Variants in AHNAK2 observed in about 807,000 individuals in gnomAD.
AHNAK2 encodes the protein protein AHNAK2.
AHNAK2 carries 18 observed loss-of-function variants against 30.7 expected under a neutral mutation model. That is an observed-to-expected ratio of 0.59 (90% CI 0.41 to 0.87). The LOEUF is 0.87. Ranked by LOEUF, AHNAK2 falls within the 40% of genes least tolerant of loss-of-function variation. The pLI, the probability that AHNAK2 is intolerant of heterozygous loss-of-function variation, is 0.00. For missense variants in AHNAK2, 8,604 were observed against 7,373.0 expected, an observed-to-expected ratio of 1.17 and a Z score of -6.11; for synonymous variants, 3,590 against 3,073.8, an observed-to-expected ratio of 1.17 and a Z score of -5.56.
chr14:104,945,321 G>T lies in AHNAK2; in HGVS notation c.10130C>A (p.Pro3377Gln), dbSNP rs776559136. 1.9e-5 allele frequency: 30 copies of T among 1,612,272 alleles called. No individual in the cohort carries two copies. The change falls in exon 7 of 7, where the codon CCG becomes CAG. Residue 3377 changes from proline (P) to glutamine (Q), a missense_variant. By Grantham distance (76) the Pro-to-Gln change is moderately conservative (BLOSUM62 -1). Transcript: ENST00000333244. ...VQAGQVDVKL[P>Q]EGHVPEGAGL... ...AGCTCCCTCGGGCACGTGGCCCTCCGGGAGCTTCACGTCCACCTGGCCAGC... is the reference window on the plus strand; with the variant it reads ...AGCTCCCTCGGGCACGTGGCCCTCCTGGAGCTTCACGTCCACCTGGCCAGC...
intron 1 of AHNAK2, among the ~76,000 whole-genome samples, chr14:104,973,166 A>G (rs1179977807): frequency 6.6e-6 from 1 of 152,194 alleles, no homozygotes. Context: ...GGGCTCTGCT[A>G]AGCCACCACA....
chr14:104,952,512 A>G lies in AHNAK2; in HGVS notation c.2939T>C (p.Leu980Pro). The stretch of plus-strand genomic sequence containing the variant: ...GTCGGCCAGGGACAGGTCCCCCTCC[A>G]GCCACGCACCATCCAGCTTGGCCTT... The part of the protein sequence containing the change: ...AQKAKLDGAW[L>P]EGDLSLADKD... Residue 980 changes from leucine (L) to proline (P), a missense_variant, in exon 7 of 7, where the codon CTG becomes CCG. Coordinates refer to ENST00000333244, the MANE Select transcript of AHNAK2 (RefSeq NM_138420.4). 6.2e-7 allele frequency: 1 copy of G among 1,612,766 alleles called. No homozygotes were observed. The highest frequency in any genetic ancestry group is 8.5e-7 in the Non-Finnish European group (1 of 1,179,610).
chr14:104,945,164 G>A lies in AHNAK2; in HGVS notation c.10287C>T (p.Val3429=), dbSNP rs1280113270. 1 of 1,613,242 alleles carries A rather than the reference G, an allele frequency of 6.2e-7. No individual in the cohort carries two copies. Among genetic ancestry groups the A allele is most frequent in the South Asian group, 1.1e-5 (1 of 91,058 alleles). The part of the protein sequence containing the change: ...DLKVPKAEVT[V]PDVEVSLPSV... Reference sequence around the variant, plus strand: ...TGGGCAGAGACACCTCCACATCAGGGACTGTCACTTCCGCCTTGGGGACTT... The same window carrying A: ...TGGGCAGAGACACCTCCACATCAGGAACTGTCACTTCCGCCTTGGGGACTT... Residue 3429 remains valine (V), a synonymous_variant, in exon 7 of 7, where the codon GTC becomes GTT. Coordinates refer to ENST00000333244, the MANE Select transcript of AHNAK2 (RefSeq NM_138420.4).
At chr14:104,956,081 C>A (rs867068656) in intron 4 of AHNAK2, among the ~76,000 whole-genome samples, 1 of 152,034 alleles carries the variant, frequency 6.6e-6, no homozygotes, top group East Asian at 1.9e-4. Flanking sequence ...GTGCAGCCTG[C>A]GAGACCTGGG....
Position 104,943,950 on chromosome 14 carries a change from T to C in AHNAK2, c.11501A>G (p.Glu3834Gly), listed in dbSNP as rs779730227. Reference sequence around the variant, plus strand: ...CATGGAGGGGAGACTCACATCGGCCTCCACCTTGGGTGCAGACACGTGCAC... The same window carrying C: ...CATGGAGGGGAGACTCACATCGGCCCCCACCTTGGGTGCAGACACGTGCAC... ...ASVHVSAPKVEADVSLPSMQG... is the reference protein window; with the variant it reads ...ASVHVSAPKVGADVSLPSMQG... The change falls in exon 7 of 7, where the codon GAG (glutamate) becomes GGG (glycine). Residue 3834 changes from glutamate to glycine, a missense_variant. Glu to Gly is a moderately conservative substitution (Grantham distance 98, BLOSUM62 -2). Transcript: ENST00000333244. 5.6e-6 allele frequency: 9 copies of C among 1,612,792 alleles called. No homozygotes were observed. The highest frequency in any genetic ancestry group is 7.6e-6 in the Non-Finnish European group (9 of 1,179,452).
In AHNAK2 at chr14:104,945,389, A is replaced by C. The variant is rs765881005; in HGVS notation, c.10062T>G (p.Thr3354=). The C allele has an allele frequency of 4.5e-5, 72 of 1,612,668 alleles. No individual in the cohort carries two copies. The highest frequency in any genetic ancestry group is 6.7e-5 in the African/African-American group (5 of 74,640). The part of the protein sequence containing the change: ...LPSMQGDLKT[T]DLSIQLPSVD... ...CAGAAGGGAGCTGAATGCTGAGGTC[A>C]GTGGTCTTGAGGTCCCCCTGCATGG... The change falls in exon 7 of 7, where the codon ACT becomes ACG. Residue 3354 remains threonine (T), a synonymous_variant. Coordinates refer to ENST00000333244, the MANE Select transcript of AHNAK2 (RefSeq NM_138420.4).
rs1313825284 is a variant in AHNAK2, at chr14:104,949,717, G to A, written c.5734C>T (p.Pro1912Ser). ...LKGHLPKVDM[P>S]SFKMPKVDLK... ...TCCACTTTGGGCATCTTGAAACTGGGCATATCCACCTTGGGCAAGTGCCCT... is the reference window on the plus strand; with the variant it reads ...TCCACTTTGGGCATCTTGAAACTGGACATATCCACCTTGGGCAAGTGCCCT... Residue 1912 changes from proline to serine, a missense_variant, in exon 7 of 7, where the codon CCC (proline) becomes TCC (serine). Physicochemically the swap from Pro to Ser is moderately conservative, Grantham distance 74. Transcript: ENST00000333244. The A allele has an allele frequency of 1.9e-6, 3 of 1,587,044 alleles. No homozygotes were observed. Among genetic ancestry groups the A allele is most frequent in the African/African-American group, 2.8e-5 (2 of 72,524 alleles).
chr14:104,950,525 C>A lies in AHNAK2; in HGVS notation c.4926G>T (p.Gly1642=), dbSNP rs377234286. The A allele has an allele frequency of 3.7e-4, 584 of 1,586,208 alleles. 45 individuals are homozygous for A. The African/African-American group carries it at 6.0e-3, about 16-fold the overall frequency. The part of the protein sequence containing the change: ...RAKLDGAQLE[G]DLSLADKAVT... The stretch of plus-strand genomic sequence containing the variant: ...CCGCCTTGTCGGCCAGGGACAGGTC[C>A]CCCTCCAGCTGCGCACCATCCAGCT... Residue 1642 remains glycine, a synonymous_variant, in exon 7 of 7, where the codon GGG becomes GGT. Coordinates refer to ENST00000333244, the MANE Select transcript of AHNAK2 (RefSeq NM_138420.4).
Position 104,946,092 on chromosome 14 carries a change from A to G in AHNAK2, c.9359T>C (p.Leu3120Ser). The change falls in exon 7 of 7, where the codon TTG (leucine) becomes TCG (serine). Residue 3120 changes from leucine to serine, a missense_variant. By Grantham distance (145) the Leu-to-Ser change is moderately radical. Transcript: ENST00000333244. ...GTCCCCCTCCAGCCGTGCACCATCC[A>G]ACTTGGCTCCTGGGGCCTCGACATC... ...EVDVEAPGAK[L>S]DGARLEGDLS... The G allele has an allele frequency of 1.9e-6, 3 of 1,610,344 alleles. No homozygotes were observed. The highest frequency in any genetic ancestry group is 2.5e-6 in the Non-Finnish European group (3 of 1,178,774).
Position 104,937,966 on chromosome 14 carries a change from G to A in AHNAK2, c.*97C>T, listed in dbSNP as rs1380229941. ...CTCCGTTCTGTGAAGTGAGGTGGAT[G>A]TAATGTGCTGTGGGATGGGGTGCTC... On this transcript the variant is annotated 3_prime_UTR_variant, in exon 7 of 7. Coordinates refer to ENST00000333244, the MANE Select transcript of AHNAK2 (RefSeq NM_138420.4). 32 of 1,279,590 alleles carry A rather than the reference G, an allele frequency of 2.5e-5. No individual in the cohort carries two copies. The highest frequency in any genetic ancestry group is 3.3e-5 in the Non-Finnish European group (30 of 922,112). The allele number at this position is 1,279,590 out of a possible 1,614,324, so 79.3% of individuals were successfully genotyped here. A position where few individuals can be genotyped will look rare whatever the true frequency, so the allele number is the denominator to read the frequency against.
intron 1 of AHNAK2, among the ~76,000 whole-genome samples, chr14:104,977,089 A>G (rs1342742658): frequency 6.6e-6 from 1 of 152,058 alleles, no homozygotes; most frequent in Non-Finnish European, 1.5e-5. Flanking sequence ...AGGCCACAGG[A>G]GGGGCCTTGG....
chr14:104,950,296 C>T lies in AHNAK2; in HGVS notation c.5155G>A (p.Ala1719Thr), dbSNP rs1390607564. The T allele has an allele frequency of 6.9e-6, 11 of 1,585,198 alleles. 2 individuals are homozygous for T. In the Admixed American group the frequency reaches 8.7e-5, roughly 13 times the overall value. ...QSPSADLEVQ[A>T]GQVNVKLPEG... ...GGGAGTTTCACGTTCACTTGGCCAGCCTGGACCTCCAGGTCGGCGGAAGGG... is the reference window on the plus strand; with the variant it reads ...GGGAGTTTCACGTTCACTTGGCCAGTCTGGACCTCCAGGTCGGCGGAAGGG... The change falls in exon 7 of 7, where the codon GCT (alanine) becomes ACT (threonine). Residue 1719 changes from alanine to threonine, a missense_variant. Coordinates refer to ENST00000333244, the MANE Select transcript of AHNAK2 (RefSeq NM_138420.4).
At chr14:104,967,082 T>A (rs868450687) in intron 1 of AHNAK2, among the ~76,000 whole-genome samples, 5 of 151,590 alleles carry the variant, frequency 3.3e-5, no homozygotes, top group Admixed American at 6.6e-5. Context: ...GCAGCTGGGG[T>A]CATGAGTGGG....
rs373187299 is a variant in AHNAK2, at chr14:104,954,341, C to T, written c.1110G>A (p.Gly370=). ...GPWGDSLEET[G]AATGSRREER... ...CCTCTCTCCTGCTGCCTGTGGCAGC[C>T]CCAGTCTCCTCGAGGCTATCACCCC... is the stretch of plus-strand genomic sequence containing the variant. The change falls in exon 7 of 7, where the codon GGG becomes GGA. Residue 370 remains glycine, a synonymous_variant. Transcript: ENST00000333244. This position sits in a 1 kb window ranked among gnomAD's most constrained non-coding sequence, Gnocchi z 4.3. 2.5e-6 allele frequency: 4 copies of T among 1,613,426 alleles called. No individual in the cohort carries two copies. The East Asian group carries it at 8.9e-5, about 36-fold the overall frequency.
rs780133578 is a variant in AHNAK2 at position 104,951,285 on chromosome 14, G to C, written c.4166C>G (p.Ala1389Gly). 3.7e-5 allele frequency: 39 copies of C among 1,061,482 alleles called. 12 individuals are homozygous for C. In the South Asian group the frequency reaches 6.1e-4, roughly 17 times the overall value. The allele number at this position is 1,061,482 out of a possible 1,614,324, so 65.8% of individuals were successfully genotyped here. A position where few individuals can be genotyped will look rare whatever the true frequency, so the allele number is the denominator to read the frequency against. The change falls in exon 7 of 7, where the codon GCT becomes GGT. Residue 1389 changes from alanine to glycine, a missense_variant. Ala to Gly is a moderately conservative substitution (Grantham distance 60, BLOSUM62 0). Coordinates refer to ENST00000333244, the MANE Select transcript of AHNAK2 (RefSeq NM_138420.4). ...QPPSTDLELQ[A>G]GQLDVKLPEG... ...TGGGAGTTTCACGTCCAATTGGCCA[G>C]CCTGGAGCTCCAGGTCAGTGGAAGG...
In AHNAK2 at chr14:104,951,157, C is replaced by G. The variant is rs1555401745; in HGVS notation, c.4294G>C (p.Asp1432His). Residue 1432 changes from aspartate (D) to histidine (H), a missense_variant, in exon 7 of 7, where the codon GAC becomes CAC. Transcript: ENST00000333244. ...PKVDLKGPEI[D>H]IKGPKLDLKD... ...AGGTCCAGCTTGGGGCCCTTGATGTCTATTTCAGGGCCCTTGAGGTCCACT... is the reference window on the plus strand; with the variant it reads ...AGGTCCAGCTTGGGGCCCTTGATGTGTATTTCAGGGCCCTTGAGGTCCACT... The G allele has an allele frequency of 1.9e-6, 2 of 1,069,972 alleles. No individual in the cohort carries two copies. The highest frequency in any genetic ancestry group is 3.2e-5 in the South Asian group (2 of 62,850). The allele number at this position is 1,069,972 out of a possible 1,614,324, so 66.3% of individuals were successfully genotyped here.
At chr14:104,974,433 C>T (rs1388042917) in intron 1 of AHNAK2, among the ~76,000 whole-genome samples, 1 of 152,268 alleles carries the variant, frequency 6.6e-6, no homozygotes, top group Admixed American at 6.5e-5. Context: ...GTCCCAGATG[C>T]ACTGGGTTGA....
chr14:104,949,799 A>T lies in AHNAK2; in HGVS notation c.5652T>A (p.Ala1884=). 2 of 1,587,154 alleles carry T rather than the reference A, an allele frequency of 1.3e-6. No individual in the cohort carries two copies. The highest frequency in any genetic ancestry group is 1.7e-6 in the Non-Finnish European group (2 of 1,163,054). The part of the protein sequence containing the change: ...PLPSADLVVQ[A]GQVDMKLPEG... The stretch of plus-strand genomic sequence containing the variant: ...CCGGGAGCTTCATGTCCACTTGGCC[A>T]GCCTGGACCACCAGGTCTGCAGAAG... Residue 1884 remains alanine (A), a synonymous_variant, in exon 7 of 7, where the codon GCT becomes GCA. Transcript: ENST00000333244.
At chr14:104,968,692 G>A (rs1899383315) in intron 1 of AHNAK2, among the ~76,000 whole-genome samples, 1 of 152,252 alleles carries the variant, frequency 6.6e-6, no homozygotes, top group Admixed American at 6.5e-5. Context: ...CCTGGGGGCT[G>A]GCAGGGAGGA....
Sources: allele counts gnomAD v4.1 joint callset (sites outside exome capture counted in the v4.1 genomes callset), GRCh38; gene constraint gnomAD v4.1.1; non-coding constraint Gnocchi (gnomAD v3.1); transcripts MANE v1.5; gene names NCBI Gene and HGNC (gene_info 2026-07-23, HGNC 2026-07-21).